Variants in ZNF704 observed in about 807,000 individuals in gnomAD.
ZNF704 encodes the protein glucocorticoid induced gene 1.
A neutral mutation model predicts 44.7 loss-of-function variants in ZNF704; 10 were observed. The ratio of observed to expected loss-of-function variants is 0.22; its 90% CI spans 0.14 to 0.38. The LOEUF is 0.38. Among genes scored for constraint, ZNF704 ranks in the 10% least tolerant of loss-of-function variants. The pLI, the probability that ZNF704 is intolerant of heterozygous loss-of-function variation, is 1.00. For missense variants in ZNF704, 390 were observed against 545.5 expected, an observed-to-expected ratio of 0.71 and a Z score of 2.84; for synonymous variants, 211 against 207.6, an observed-to-expected ratio of 1.02 and a Z score of -0.14.
intron 2 of ZNF704, among the ~76,000 whole-genome samples, chr8:80,817,191 TAATA>T (rs1808190119): frequency 6.6e-6 from 1 of 152,148 alleles, no homozygotes. Flanking sequence ...AGGGCACTTT[TAATA>T]TATAAAGTAC....
chr8:80,808,723 C>A (rs1808033882), intron 2 of ZNF704, among the ~76,000 whole-genome samples: 1 of 152,174 alleles, frequency 6.6e-6, no homozygotes, highest in Non-Finnish European at 1.5e-5. Context: ...AGACTAGCTA[C>A]CTGCTTAGTA....
intron 2 of ZNF704, among the ~76,000 whole-genome samples, chr8:80,759,179 G>A (rs965075449): frequency 9.2e-5 from 14 of 152,192 alleles, no homozygotes; most frequent in Admixed American, 8.5e-4. Context: ...TGACTGATTA[G>A]GGACTGTGGG....
At chr8:80,807,083 T>C (rs1808001661) in intron 2 of ZNF704, among the ~76,000 whole-genome samples, 1 of 152,230 alleles carries the variant, frequency 6.6e-6, no homozygotes, top group Non-Finnish European at 1.5e-5. Flanking sequence ...CAGCTGGGTA[T>C]GATTCCATAG....
chr8:80,783,900 A>G (rs534642693), intron 2 of ZNF704, among the ~76,000 whole-genome samples: 2 of 151,872 alleles, frequency 1.3e-5, no homozygotes, highest in East Asian at 1.9e-4. Context: ...CCTTCCTCCA[A>G]CCCCTGGCAA....
intron 2 of ZNF704, among the ~76,000 whole-genome samples, chr8:80,757,167 A>G (rs958960800): frequency 8.5e-5 from 13 of 152,188 alleles, no homozygotes; most frequent in Non-Finnish European, 1.6e-4. Flanking sequence ...AGAAGAAGGC[A>G]TTGTTATCAT....
At chr8:80,729,700 C>T (rs77887771) in intron 2 of ZNF704, among the ~76,000 whole-genome samples, 2,224 of 152,280 alleles carry the variant, frequency 0.015, 65 homozygotes, top group African/African-American at 0.051. Context: ...TGGGGAAATG[C>T]TGACTGGCTG....
intron 2 of ZNF704, among the ~76,000 whole-genome samples, chr8:80,743,184 G>A (rs1806789937): frequency 2.3e-5 from 2 of 85,164 alleles, no homozygotes; most frequent in Admixed American, 1.7e-4. Flanking sequence ...ATTACATCTT[G>A]CAACTGCAAA....
chr8:80,822,103 GA>G (rs1808282485), intron 1 of ZNF704, among the ~76,000 whole-genome samples: 10 of 152,016 alleles, frequency 6.6e-5, no homozygotes, highest in Admixed American at 6.5e-4. Context: ...CAACAGTTAA[GA>G]TTTTTTTATT....
chr8:80,671,254 A>G (rs546615789), intron 4 of ZNF704, among the ~76,000 whole-genome samples: 1 of 152,260 alleles, frequency 6.6e-6, no homozygotes, highest in Non-Finnish European at 1.5e-5. Context: ...TAGCCTCCCA[A>G]GTAGTTGGGA....
At chr8:80,872,457 T>C (rs1400275228) in intron 1 of ZNF704, among the ~76,000 whole-genome samples, 2 of 152,242 alleles carry the variant, frequency 1.3e-5, no homozygotes, top group East Asian at 1.9e-4. Context: ...CAAAGCTTTT[T>C]TTAGTGGTCT....
At chr8:80,767,557 T>C (rs1339853558) in intron 2 of ZNF704, among the ~76,000 whole-genome samples, 4 of 152,186 alleles carry the variant, frequency 2.6e-5, no homozygotes, top group African/African-American at 9.6e-5. Context: ...GAAGAAAATA[T>C]AGAAACAGAA....
rs186384398 is a variant in ZNF704 at position 80,676,379 on chromosome 8, G to A, written c.559-5776C>T. 4.1e-4 allele frequency among the ~76,000 whole-genome samples: 63 copies of A among 152,318 alleles called. 1 individual carries two copies. In the East Asian group the frequency reaches 9.4e-3, roughly 23 times the overall value. ...GAGAAGCAGGGGTTAGCTACAGGAT[G>A]AGGTTCTTCAGAAGGTCAGGAGAGC... On this transcript the variant is annotated intron_variant, in intron 4 of 8. Coordinates refer to ENST00000327835, the MANE Select transcript of ZNF704 (RefSeq NM_001033723.3).
intron 2 of ZNF704, among the ~76,000 whole-genome samples, chr8:80,711,043 A>G (rs1369273935): frequency 1.4e-4 from 22 of 152,192 alleles, no homozygotes; most frequent in Admixed American, 1.4e-3. Context: ...CCAGCTTGGT[A>G]GCAGGAGGCC....
chr8:80,807,066 C>G (rs1218023989), intron 2 of ZNF704, among the ~76,000 whole-genome samples: 1 of 152,220 alleles, frequency 6.6e-6, no homozygotes, highest in Non-Finnish European at 1.5e-5. Context: ...ATCAGACTCA[C>G]TCAGCTCAGC....
At chr8:80,708,492 G>A (rs1818931150) in intron 2 of ZNF704, among the ~76,000 whole-genome samples, 1 of 152,236 alleles carries the variant, frequency 6.6e-6, no homozygotes, top group Non-Finnish European at 1.5e-5. Context: ...CAAAGCATTT[G>A]CAGCTACTAT....
chr8:80,838,238 A>G (rs1221932393), intron 1 of ZNF704, among the ~76,000 whole-genome samples: 1 of 152,210 alleles, frequency 6.6e-6, no homozygotes, highest in African/African-American at 2.4e-5. Context: ...CAGAAACTTT[A>G]AGACATAGTT....
intron 1 of ZNF704, among the ~76,000 whole-genome samples, chr8:80,863,844 T>C (rs1809109592): frequency 6.6e-6 from 1 of 152,212 alleles, no homozygotes; most frequent in Non-Finnish European, 1.5e-5. Flanking sequence ...TCATTGAGAC[T>C]CTCCTGATAT....
intron 2 of ZNF704, among the ~76,000 whole-genome samples, chr8:80,815,783 G>A (rs567231059): frequency 6.6e-6 from 1 of 152,164 alleles, no homozygotes; most frequent in Non-Finnish European, 1.5e-5. Context: ...AATGATAATA[G>A]ACATTTGTCA....
rs1247815841 is a variant in ZNF704 at position 80,799,984 on chromosome 8, T to C, written c.221+21390A>G. Among the ~76,000 whole-genome samples, 4 of 152,002 alleles carry C rather than the reference T, an allele frequency of 2.6e-5. No homozygotes were observed. In the East Asian group the frequency reaches 7.7e-4, roughly 29 times the overall value. On this transcript the variant is annotated intron_variant, in intron 2 of 8. Transcript: ENST00000327835. ...TTAGAGAGGAACATAACCAGTCTGATGGAGCTGAAGAAAACAACATGAGAA... is the reference window on the plus strand; with the variant it reads ...TTAGAGAGGAACATAACCAGTCTGACGGAGCTGAAGAAAACAACATGAGAA...
Sources: gnomAD v4.1 joint callset for allele counts (sites outside exome capture counted in the v4.1 genomes callset) on GRCh38, gnomAD v4.1.1 for gene constraint, MANE v1.5 for transcripts, NCBI Gene and HGNC (gene_info 2026-07-23, HGNC 2026-07-21) for gene names.